Variants in IRAK3 observed in about 807,000 individuals in gnomAD.
IRAK3 encodes interleukin 1 receptor associated kinase 3.
In IRAK3, 57 loss-of-function variants were observed where a neutral mutation model predicts 56.6. The ratio of observed to expected loss-of-function variants is 1.01; its 90% CI spans 0.81 to 1.26. IRAK3 has a LOEUF of 1.26. Among genes scored for constraint, IRAK3 ranks in the 50% most tolerant of loss-of-function variants. The pLI, the probability that IRAK3 is intolerant of heterozygous loss-of-function variation, is 0.00. For missense variants in IRAK3, 703 were observed against 719.0 expected (o/e 0.98, Z 0.25); for synonymous variants, 258 against 255.7 (o/e 1.01, Z -0.09).
chr12:66,204,164 A>T (rs1189649232), intron 2 of IRAK3, among the ~76,000 whole-genome samples: 2 of 152,166 alleles, frequency 1.3e-5, no homozygotes, highest in East Asian at 3.8e-4. Context: ...ACTTTTAAAA[A>T]TGTTTCATTT....
chr12:66,196,776 T>C (rs1334680247), intron 1 of IRAK3: 1 of 1,206,248 alleles, frequency 8.3e-7, no homozygotes, highest in Non-Finnish European at 1.1e-6. Flanking sequence ...TTTACTCTTT[T>C]GGAATTAAAA....
chr12:66,190,396 A>G (rs1015802082), intron 1 of IRAK3, among the ~76,000 whole-genome samples: 1 of 152,064 alleles, frequency 6.6e-6, no homozygotes, highest in African/African-American at 2.4e-5. Flanking sequence ...AGAAAAAAAA[A>G]AAAGTCTGAT....
intron 8 of IRAK3, among the ~76,000 whole-genome samples, chr12:66,230,006 G>A (rs1201087307): frequency 6.6e-6 from 1 of 152,192 alleles, no homozygotes; most frequent in Non-Finnish European, 1.5e-5. Flanking sequence ...GTTTGAAGAA[G>A]AAAGAAAAGA....
Position 66,239,575 on chromosome 12 carries a change from T to G in IRAK3, c.888-4911T>G, listed in dbSNP as rs73327341. Among the ~76,000 whole-genome samples, 506 of 152,338 alleles carry G rather than the reference T, an allele frequency of 3.3e-3. 6 individuals are homozygous for G. Among genetic ancestry groups the G allele is most frequent in the African/African-American group, 0.012 (484 of 41,576 alleles). On this transcript the variant is annotated intron_variant, in intron 8 of 11. Transcript: ENST00000261233. Reference sequence around the variant, plus strand: ...TGCAAAGTGTCTTTCTTTGTTTGACTGATAAGATTCTTTAATCAGTCTCCT... The same window carrying G: ...TGCAAAGTGTCTTTCTTTGTTTGACGGATAAGATTCTTTAATCAGTCTCCT...
intron 5 of IRAK3, among the ~76,000 whole-genome samples, chr12:66,215,798 A>AGTG (rs1565804040): frequency 7.4e-5 from 4 of 53,996 alleles, no homozygotes; most frequent in Admixed American, 2.2e-4. Flanking sequence ...ACACACACAC[A>AGTG]CACACACACA....
rs573367359 is a variant in IRAK3, at chr12:66,206,316, C to T, written c.316+2423C>T. 3.0e-4 allele frequency among the ~76,000 whole-genome samples: 46 copies of T among 152,212 alleles called. 1 individual carries two copies. In the South Asian group the frequency reaches 9.3e-3, roughly 31 times the overall value. ...CCAGACATCCTTATCTTGTTCCTGA[C>T]CTTAAGGGTAAAACATTCAGTCTTT... is the stretch of plus-strand genomic sequence containing the variant. On this transcript the variant is annotated intron_variant, in intron 2 of 11. Transcript: ENST00000261233.
rs535365734 is a variant in IRAK3 at position 66,247,940 on chromosome 12, C to A, written c.1560C>A (p.Asp520Glu). 10 of 1,613,276 alleles carry A rather than the reference C, an allele frequency of 6.2e-6. No homozygotes were observed. Among genetic ancestry groups the A allele is most frequent in the African/African-American group, 5.3e-5 (4 of 74,920 alleles). The part of the protein sequence containing the change: ...SQSEVMFLSL[D>E]KKPESKRNEE... ...CTGAGGTTATGTTTCTGAGCTTGGA[C>A]AAAAAGCCAGAGAGCAAGAGAAATG... Residue 520 changes from aspartate (D) to glutamate (E), a missense_variant, in exon 12 of 12, where the codon GAC becomes GAA. Transcript: ENST00000261233.
At chr12:66,204,732 G>A (rs1592579595) in intron 2 of IRAK3, among the ~76,000 whole-genome samples, 1 of 150,840 alleles carries the variant, frequency 6.6e-6, no homozygotes, top group East Asian at 2.0e-4. Context: ...TTGTGTATTT[G>A]CACACATGTT....
chr12:66,221,134 T>C (rs539978963), intron 6 of IRAK3, among the ~76,000 whole-genome samples: 2 of 152,354 alleles, frequency 1.3e-5, no homozygotes, highest in African/African-American at 2.4e-5. Context: ...AATGCTGTTG[T>C]AAATAGGATC....
intron 8 of IRAK3, among the ~76,000 whole-genome samples, chr12:66,237,044 C>A (rs2052915569): frequency 6.6e-6 from 1 of 152,036 alleles, no homozygotes; most frequent in Non-Finnish European, 1.5e-5. Flanking sequence ...AGAGTGTGGC[C>A]TTTGGGGTCA....
intron 8 of IRAK3, among the ~76,000 whole-genome samples, chr12:66,232,038 C>T (rs535573349): frequency 7.6e-4 from 115 of 152,316 alleles, no homozygotes; most frequent in Admixed American, 3.1e-3. Flanking sequence ...ATCATTTAAG[C>T]AACACTGCTA....
chr12:66,240,285 A>G (rs886178309), intron 8 of IRAK3, among the ~76,000 whole-genome samples: 1 of 152,106 alleles, frequency 6.6e-6, no homozygotes, highest in Non-Finnish European at 1.5e-5. Context: ...GTAGATTTGG[A>G]GTTTCACAAT....
intron 5 of IRAK3, among the ~76,000 whole-genome samples, chr12:66,215,562 G>A (rs1209420815): frequency 6.6e-6 from 1 of 152,182 alleles, no homozygotes; most frequent in Non-Finnish European, 1.5e-5. Flanking sequence ...CTTGCCCATA[G>A]TAGCTCAGTA....
In IRAK3 at chr12:66,210,234, T is replaced by C. The variant is rs762235488; in HGVS notation, c.436+33T>C. On this transcript the variant is annotated intron_variant, in intron 4 of 11. Transcript: ENST00000261233. ...AAAACCAGTTTTTTTCCAACAATTTTTTTAAAATCATACTTTCATTTAAGT... is the reference window on the plus strand; with the variant it reads ...AAAACCAGTTTTTTTCCAACAATTTCTTTAAAATCATACTTTCATTTAAGT... 4.5e-6 allele frequency: 6 copies of C among 1,322,474 alleles called. No individual in the cohort carries two copies. In the Admixed American group the frequency reaches 1.0e-4, roughly 22 times the overall value. 81.9% of individuals were successfully genotyped at this position (1,322,474 alleles called of 1,614,324 possible).
intron 1 of IRAK3, among the ~76,000 whole-genome samples, chr12:66,195,135 C>T (rs1320862137): frequency 6.6e-6 from 1 of 152,192 alleles, no homozygotes; most frequent in East Asian, 1.9e-4. Context: ...TTCATTTGTT[C>T]AGGCCAAAAA....
Position 66,251,847 on chromosome 12 carries a change from C to T in IRAK3, c.*3676C>T, listed in dbSNP as rs1234152518. 6.6e-6 allele frequency: 1 copy of T among 152,224 alleles called. No individual in the cohort carries two copies. Among genetic ancestry groups the T allele is most frequent in the Non-Finnish European group, 1.5e-5 (1 of 68,050 alleles). 9.4% of individuals were successfully genotyped at this position (152,224 alleles called of 1,614,324 possible). On this transcript the variant is annotated 3_prime_UTR_variant, in exon 12 of 12. Transcript: ENST00000261233. ...CAGTTTAATAAGGAAGACAGGGCAT[C>T]TACCCAAGTCAACAGTTCAGTGACA...
intron 1 of IRAK3, chr12:66,197,962 A>G: frequency 3.0e-6 from 3 of 985,416 alleles, no homozygotes; most frequent in Non-Finnish European, 3.6e-6. Flanking sequence ...ATGGAATGAA[A>G]AGCTGACATT....
At chr12:66,200,523 C>G in intron 1 of IRAK3, among the ~76,000 whole-genome samples, 1 of 152,098 alleles carries the variant, frequency 6.6e-6, no homozygotes, top group East Asian at 1.9e-4. Context: ...ATTGGCAGCA[C>G]TAGTAATGTC....
intron 8 of IRAK3, among the ~76,000 whole-genome samples, chr12:66,229,319 CT>C (rs371959485): frequency 6.3e-4 from 95 of 151,372 alleles, no homozygotes; most frequent in Non-Finnish European, 1.2e-3. Flanking sequence ...TAAATACCCC[CT>C]GTCGGTGAAT....
Sources: allele counts gnomAD v4.1 joint callset (sites outside exome capture counted in the v4.1 genomes callset), GRCh38; gene constraint gnomAD v4.1.1; transcripts MANE v1.5; gene names NCBI Gene and HGNC (gene_info 2026-07-23, HGNC 2026-07-21).